The following KAT6B variants were observed in gnomAD, a reference collection of about 807,000 sequenced individuals.
The protein encoded by KAT6B is histone acetyltransferase KAT6B.
KAT6B carries 10 observed loss-of-function variants against 187.5 expected under a neutral mutation model. That is an observed-to-expected ratio of 0.05 (90% CI 0.03 to 0.09). The LOEUF (loss-of-function observed/expected upper bound fraction) is 0.09, where lower values mean the gene tolerates loss of function less well. Ranked by LOEUF, KAT6B falls within the 10% of genes least tolerant of loss-of-function variation. The pLI, the probability that KAT6B is intolerant of heterozygous loss-of-function variation, is 1.00. For missense variants in KAT6B, 1,952 were observed against 2,558.9 expected (o/e 0.76, Z 5.12); for synonymous variants, 861 against 926.8 (o/e 0.93, Z 1.29).
chr10:74,958,027 A>G (rs979793459), intron 3 of KAT6B, among the ~76,000 whole-genome samples: 1 of 152,216 alleles, frequency 6.6e-6, no homozygotes, highest in Non-Finnish European at 1.5e-5. Flanking sequence ...GCCTGTGCAT[A>G]TTATAAGAAC....
chr10:74,934,457 T>C (rs191842251), intron 3 of KAT6B, among the ~76,000 whole-genome samples: 77 of 152,324 alleles, frequency 5.1e-4, no homozygotes, highest in African/African-American at 1.7e-3. Context: ...ATTCCTAGAA[T>C]GGGCCGTGTG....
chr10:75,009,869 T>C (rs1472342791), intron 13 of KAT6B, among the ~76,000 whole-genome samples: 1 of 152,068 alleles, frequency 6.6e-6, no homozygotes, highest in Middle Eastern at 3.2e-3. Flanking sequence ...GGCGTGGTGG[T>C]GCATGCCTGT....
Position 75,029,202 on chromosome 10 carries a change from T to C in KAT6B, c.4378T>C (p.Leu1460=). The part of the protein sequence containing the change: ...KEVLENQETF[L]DLNVQPGHSN... ...AGTACTGGAAAACCAGGAGACTTTT[T>C]TAGACCTTAATGTGCAGCCTGGTCA... The change falls in exon 18 of 18, where the codon TTA becomes CTA. Residue 1460 remains leucine (L), a synonymous_variant. Transcript: ENST00000287239. This position sits in a 1 kb window ranked among gnomAD's most constrained non-coding sequence, Gnocchi z 6.2. 6.2e-7 allele frequency: 1 copy of C among 1,614,116 alleles called. No individual in the cohort carries two copies. The highest frequency in any genetic ancestry group is 8.5e-7 in the Non-Finnish European group (1 of 1,180,032).
chr10:74,956,072 C>T (rs141999843), intron 3 of KAT6B, among the ~76,000 whole-genome samples: 3 of 152,268 alleles, frequency 2.0e-5, no homozygotes, highest in Non-Finnish European at 2.9e-5. Context: ...CACAGGCATG[C>T]GCCACCATGC....
intron 4 of KAT6B, among the ~76,000 whole-genome samples, chr10:74,963,019 TA>T (rs1841212087): frequency 6.6e-6 from 1 of 152,154 alleles, no homozygotes; most frequent in Non-Finnish European, 1.5e-5. Context: ...CTGTGGGGTG[TA>T]AAGGAGAATG....
At chr10:74,995,955 CA>C (rs1214716042) in intron 13 of KAT6B, among the ~76,000 whole-genome samples, 1 of 152,206 alleles carries the variant, frequency 6.6e-6, no homozygotes, top group Non-Finnish European at 1.5e-5. Context: ...GGGCAGGATA[CA>C]AAACCCGTTC....
chr10:74,932,422 A>G (rs570981392), intron 3 of KAT6B, among the ~76,000 whole-genome samples: 1 of 152,288 alleles, frequency 6.6e-6, no homozygotes, highest in African/African-American at 2.4e-5. Context: ...CAGGAATCAA[A>G]CTCAGTGAGT....
intron 3 of KAT6B, among the ~76,000 whole-genome samples, chr10:74,858,521 A>G (rs1170724042): frequency 2.6e-5 from 4 of 151,900 alleles, no homozygotes; most frequent in Non-Finnish European, 5.9e-5. Flanking sequence ...CAAGCAATCT[A>G]CCCACCTTGG....
At chr10:74,945,247 A>G (rs542884749) in intron 3 of KAT6B, among the ~76,000 whole-genome samples, 1 of 152,336 alleles carries the variant, frequency 6.6e-6, no homozygotes, top group East Asian at 1.9e-4. Flanking sequence ...AAATATGTCA[A>G]GTGTAAGGTT....
At chr10:74,836,388 G>T (rs76094612) in intron 1 of KAT6B, among the ~76,000 whole-genome samples, 90 of 152,258 alleles carry the variant, frequency 5.9e-4, no homozygotes, top group Non-Finnish European at 1.2e-3. Flanking sequence ...TTGAGGAACC[G>T]CCAAACAGTG....
chr10:74,991,071 G>A (rs1023677006), intron 13 of KAT6B, among the ~76,000 whole-genome samples: 3 of 152,006 alleles, frequency 2.0e-5, no homozygotes, highest in East Asian at 3.9e-4. Context: ...TCTGCTTTTT[G>A]ATCCCACCTC....
Position 75,029,095 on chromosome 10 carries a change from A to G in KAT6B, c.4271A>G (p.His1424Arg), listed in dbSNP as rs529353814. Residue 1424 changes from histidine (H) to arginine (R), a missense_variant, in exon 18 of 18, where the codon CAT becomes CGT. By Grantham distance (29) the His-to-Arg change is conservative (BLOSUM62 0). Coordinates refer to ENST00000287239, the MANE Select transcript of KAT6B (RefSeq NM_012330.4). The surrounding 1 kb of genome is among the most constrained non-coding windows in gnomAD (Gnocchi z 6.2). ...GAAGAGCCATCCCACAACGAGGACC[A>G]TGATGCCGATGACGAGGATGACAGC... ...EDEEPSHNED[H>R]DADDEDDSHM... The G allele has an allele frequency of 6.2e-6, 10 of 1,614,212 alleles. No individual in the cohort carries two copies. The highest frequency in any genetic ancestry group is 4.5e-5 in the East Asian group (2 of 44,888).
intron 11 of KAT6B, 39 bp downstream of exon 11, chr10:74,981,967 T>C: frequency 6.4e-7 from 1 of 1,573,282 alleles, no homozygotes; most frequent in East Asian, 2.2e-5. Context: ...CTTTTTGAAA[T>C]CTAGTACTCC....
Position 75,030,426 on chromosome 10 carries a change from G to A in KAT6B, c.5602G>A (p.Val1868Ile), listed in dbSNP as rs199806711. ...LVQLSQSPHS[V>I]PGGPQAQATM... ...TCAACTTTCTCAGTCTCCACACTCC[G>A]TCCCTGGGGGACCCCAAGCACAAGC... Residue 1868 changes from valine (V) to isoleucine (I), a missense_variant, in exon 18 of 18, where the codon GTC (valine) becomes ATC (isoleucine). Val to Ile is a conservative substitution (Grantham distance 29). Around this residue, in one of 9 missense-constraint regions of KAT6B, gnomAD observed 358 missense variants for 436.3 expected, o/e 0.82. Coordinates refer to ENST00000287239, the MANE Select transcript of KAT6B (RefSeq NM_012330.4). The surrounding 1 kb of genome is among the most constrained non-coding windows in gnomAD (Gnocchi z 4.8). 13 of 1,614,014 alleles carry A rather than the reference G, an allele frequency of 8.1e-6. No individual in the cohort carries two copies. Among genetic ancestry groups the A allele is most frequent in the Admixed American group, 5.0e-5 (3 of 60,000 alleles).
At chr10:74,865,467 G>A (rs1281307365) in intron 3 of KAT6B, among the ~76,000 whole-genome samples, 2 of 151,372 alleles carry the variant, frequency 1.3e-5, no homozygotes, top group African/African-American at 2.4e-5. Context: ...ACCAAAGTGT[G>A]CCTCAATCAC....
At chr10:74,912,031 C>G (rs1177073167) in intron 3 of KAT6B, among the ~76,000 whole-genome samples, 8 of 152,040 alleles carry the variant, frequency 5.3e-5, no homozygotes, top group Non-Finnish European at 8.8e-5. Flanking sequence ...GTTTTGACCT[C>G]CTGGGCTCAA....
chr10:75,027,236 T>C (rs1845928865), intron 17 of KAT6B, among the ~76,000 whole-genome samples: 2 of 152,244 alleles, frequency 1.3e-5, no homozygotes, highest in Admixed American at 1.3e-4. Context: ...TCGGGCATGG[T>C]ACTCGGCACT....
At chr10:75,028,444 T>C (rs1237486812) in intron 17 of KAT6B, 45 bp from the exon 18 acceptor site, 8 of 1,613,758 alleles carry the variant, frequency 5.0e-6, no homozygotes, top group Non-Finnish European at 5.9e-6. Context: ...GGTTATGCTT[T>C]CTAAGACTGT....
intron 3 of KAT6B, among the ~76,000 whole-genome samples, chr10:74,882,730 A>G (rs755724148): frequency 6.6e-6 from 1 of 152,210 alleles, no homozygotes; most frequent in Non-Finnish European, 1.5e-5. Context: ...TTAAAAGTTA[A>G]TTTCTTCCCT....
Sources: allele counts gnomAD v4.1 joint callset (sites outside exome capture counted in the v4.1 genomes callset), GRCh38; gene constraint gnomAD v4.1.1; regional missense constraint gnomAD v4.1.1; non-coding constraint Gnocchi (gnomAD v3.1); transcripts MANE v1.5; gene names NCBI Gene and HGNC (gene_info 2026-07-23, HGNC 2026-07-21).